The following KCTD17 variants were observed in gnomAD, a reference collection of about 807,000 sequenced individuals.
KCTD17 encodes the protein BTB/POZ domain-containing protein KCTD17.
KCTD17 carries 20 observed loss-of-function variants against 41.5 expected under a neutral mutation model. The ratio of observed to expected loss-of-function variants is 0.48; its 90% CI spans 0.34 to 0.70. The LOEUF is 0.70. Ranked by LOEUF, KCTD17 falls within the 30% of genes least tolerant of loss-of-function variation. KCTD17 has a pLI of 0.01. For missense variants in KCTD17, 317 were observed against 427.2 expected (o/e 0.74, Z 2.27); for synonymous variants, 156 against 173.8 (o/e 0.90, Z 0.80).
chr22:37,057,354 TG>T, intron 3 of KCTD17, 43 bp from the exon 4 acceptor site: 1 of 1,519,114 alleles, frequency 6.6e-7, no homozygotes, highest in Non-Finnish European at 9.1e-7. Flanking sequence ...CTGGGGTGCC[TG>T]GTGCTCCCAC....
rs1320708255 is a variant in KCTD17, at chr22:37,061,195, C to T, written c.784+20C>T. On this transcript the variant is annotated intron_variant, in intron 7 of 8. Transcript: ENST00000403888. This position sits in a 1 kb window ranked among gnomAD's most constrained non-coding sequence, Gnocchi z 6.6. ...CTGGAGGTCCTGCCTCATCTTCATC[C>T]ACCTCTTCTTCCTCCTGGATCTCAT... 6.4e-7 allele frequency: 1 copy of T among 1,551,056 alleles called. No individual in the cohort carries two copies. The highest frequency in any genetic ancestry group is 8.7e-7 in the Non-Finnish European group (1 of 1,146,958).
chr22:37,052,045 C>T (rs1360301933), intron 1 of KCTD17, 96 bp downstream of exon 1: 14 of 1,135,226 alleles, frequency 1.2e-5, no homozygotes, highest in Non-Finnish European at 2.2e-6. Context: ...GCTGGGGACC[C>T]GGCCGGGTTC....
At chr22:37,062,157 T>G (rs7292681) in intron 8 of KCTD17, 10 of 985,186 alleles carry the variant, frequency 1.0e-5, no homozygotes, top group Non-Finnish European at 1.2e-5. Context: ...CCCTGTGGCT[T>G]CTTTCGCCTG....
Position 37,053,829 on chromosome 22 carries a change from AGGCCATGTCTGGGAGAACGAC to A in KCTD17, c.298+622_298+642del, listed in dbSNP as rs1924783112. Among the ~76,000 whole-genome samples the A allele has an allele frequency of 6.6e-6, 1 of 152,106 alleles. No homozygotes were observed. The highest frequency in any genetic ancestry group is 1.5e-5 in the Non-Finnish European group (1 of 67,990). ...TATCCGGGCCTAACAAACAGTGGGG[AGGCCATGTCTGGGAGAACGAC>A]CTGTTAGCAGAGCTGCAGCCAGGGG... On this transcript the variant is annotated intron_variant, in intron 2 of 8. Transcript: ENST00000403888. This position sits in a 1 kb window ranked among gnomAD's most constrained non-coding sequence, Gnocchi z 4.1.
At chr22:37,056,866 C>T (rs1601489905) in intron 3 of KCTD17, among the ~76,000 whole-genome samples, 1 of 152,226 alleles carries the variant, frequency 6.6e-6, no homozygotes. Context: ...GCGTTTGTGA[C>T]CTTGGAGCCT....
At position 37,061,338 on chromosome 22, in the gene KCTD17, C is replaced by T. The variant is rs890083037; in HGVS notation, c.784+163C>T. 5 of 1,488,228 alleles carry T rather than the reference C, an allele frequency of 3.4e-6. No individual in the cohort carries two copies. In the African/African-American group the frequency reaches 4.2e-5, roughly 12 times the overall value. 92.2% of individuals were successfully genotyped at this position (1,488,228 alleles called of 1,614,324 possible). On this transcript the variant is annotated intron_variant, in intron 7 of 8. Coordinates refer to ENST00000403888, the MANE Select transcript of KCTD17 (RefSeq NM_001282684.2). This position sits in a 1 kb window ranked among gnomAD's most constrained non-coding sequence, Gnocchi z 6.6. ...CGTGCCCTCCACCCAGGCCCCCTGG[C>T]CCTGCATCCCAGAGCGTCCTGCCTG...
Position 37,061,929 on chromosome 22 carries a change from A to G in KCTD17, c.875+300A>G. The stretch of plus-strand genomic sequence containing the variant: ...GTGTCACTGCCTTGTGGCATCCCCT[A>G]TTTCTGTGGGGATGGGGAGGACAGG... On this transcript the variant is annotated intron_variant, in intron 8 of 8. Transcript: ENST00000403888. This position sits in a 1 kb window ranked among gnomAD's most constrained non-coding sequence, Gnocchi z 6.6. 3.0e-6 allele frequency: 3 copies of G among 985,068 alleles called. No individual in the cohort carries two copies. The highest frequency in any genetic ancestry group is 2.4e-6 in the Non-Finnish European group (2 of 829,812). The allele number at this position is 985,068 out of a possible 1,614,324, so 61.0% of individuals were successfully genotyped here.
Position 37,061,684 on chromosome 22 carries a change from C to G in KCTD17, c.875+55C>G. ...GGTGGAGCGAGGAGGGTGCTCATCT[C>G]TTGATCCTTGGACTTGAGCCGAGCT... On this transcript the variant is annotated intron_variant, in intron 8 of 8. Transcript: ENST00000403888. The surrounding 1 kb of genome is among the most constrained non-coding windows in gnomAD (Gnocchi z 6.6). 5.9e-6 allele frequency: 9 copies of G among 1,536,568 alleles called. No homozygotes were observed. Among genetic ancestry groups the G allele is most frequent in the East Asian group, 2.4e-5 (1 of 41,216 alleles).
chr22:37,061,221 C>A lies in KCTD17; in HGVS notation c.784+46C>A. 8 of 1,549,712 alleles carry A rather than the reference C, an allele frequency of 5.2e-6. No individual in the cohort carries two copies. The highest frequency in any genetic ancestry group is 7.0e-6 in the Non-Finnish European group (8 of 1,146,998). On this transcript the variant is annotated intron_variant, in intron 7 of 8. Transcript: ENST00000403888. This position sits in a 1 kb window ranked among gnomAD's most constrained non-coding sequence, Gnocchi z 6.6. ...ACCTCTTCTTCCTCCTGGATCTCAT[C>A]TGCACCCTGCCTCTTCCCTCTCTGC...
rs767342119 is a variant in KCTD17, at chr22:37,059,480, G to A, written c.612+42G>A. ...CAGCCTGTGTCCGGAGAAGTCTCCT[G>A]TCTCCCTCCACCCTCCCCGCCTGTC... is the stretch of plus-strand genomic sequence containing the variant. On this transcript the variant is annotated intron_variant, in intron 5 of 8. Transcript: ENST00000403888. 3 of 1,571,422 alleles carry A rather than the reference G, an allele frequency of 1.9e-6. No individual in the cohort carries two copies. In the African/African-American group the frequency reaches 4.0e-5, roughly 21 times the overall value.
intron 5 of KCTD17, among the ~76,000 whole-genome samples, chr22:37,060,217 A>G (rs895358066): frequency 1.3e-5 from 2 of 152,062 alleles, no homozygotes; most frequent in African/African-American, 4.8e-5. Context: ...CTGGGGCCCA[A>G]CCCCACACAG....
intron 3 of KCTD17, among the ~76,000 whole-genome samples, chr22:37,056,660 G>A (rs1243323600): frequency 6.6e-6 from 1 of 152,128 alleles, no homozygotes; most frequent in East Asian, 1.9e-4. Flanking sequence ...GGCCAGGCTC[G>A]CCCTCTCCGG....
rs1197035595 is a variant in KCTD17 at position 37,061,688 on chromosome 22, A to T, written c.875+59A>T. 1 of 1,530,932 alleles carries T rather than the reference A, an allele frequency of 6.5e-7. No individual in the cohort carries two copies. Among genetic ancestry groups the T allele is most frequent in the East Asian group, 2.4e-5 (1 of 41,032 alleles). 94.8% of individuals were successfully genotyped at this position (1,530,932 alleles called of 1,614,324 possible). On this transcript the variant is annotated intron_variant, in intron 8 of 8. Transcript: ENST00000403888. This position sits in a 1 kb window ranked among gnomAD's most constrained non-coding sequence, Gnocchi z 6.6. ...GAGCGAGGAGGGTGCTCATCTCTTG[A>T]TCCTTGGACTTGAGCCGAGCTTTCG...
At position 37,056,351 on chromosome 22, in the gene KCTD17, C is replaced by T. The variant is rs372826685; in HGVS notation, c.330C>T (p.Ile110=). The change falls in exon 3 of 9, where the codon ATC becomes ATT. Residue 110 remains isoleucine, a synonymous_variant. Coordinates refer to ENST00000403888, the MANE Select transcript of KCTD17 (RefSeq NM_001282684.2). Reference sequence around the variant, plus strand: ...TGGAGGAAGCCGAGTTCTACAACATCGGCCCGCTGATCCGCATCATCAAAG... The same window carrying T: ...TGGAGGAAGCCGAGTTCTACAACATTGGCCCGCTGATCCGCATCATCAAAG... ...GVLEEAEFYN[I]GPLIRIIKDR... The T allele has an allele frequency of 1.5e-5, 24 of 1,613,464 alleles. No homozygotes were observed. The highest frequency in any genetic ancestry group is 3.3e-5 in the Admixed American group (2 of 59,946).
chr22:37,062,709 G>T lies in KCTD17; in HGVS notation c.*115G>T. ...GCTGTGACTTACTCCTGCCTCCAGGGGCGGGGCGGGGCCCCCCTGGGACCT... is the reference window on the plus strand; with the variant it reads ...GCTGTGACTTACTCCTGCCTCCAGGTGCGGGGCGGGGCCCCCCTGGGACCT... On this transcript the variant is annotated 3_prime_UTR_variant, in exon 9 of 9. Coordinates refer to ENST00000403888, the MANE Select transcript of KCTD17 (RefSeq NM_001282684.2). 2 of 1,513,180 alleles carry T rather than the reference G, an allele frequency of 1.3e-6. No homozygotes were observed. The highest frequency in any genetic ancestry group is 1.8e-6 in the Non-Finnish European group (2 of 1,130,530). The allele number at this position is 1,513,180 out of a possible 1,614,324, so 93.7% of individuals were successfully genotyped here.
chr22:37,053,981 T>G lies in KCTD17; in HGVS notation c.298+773T>G, dbSNP rs1378584299. On this transcript the variant is annotated intron_variant, in intron 2 of 8. Transcript: ENST00000403888. This position sits in a 1 kb window ranked among gnomAD's most constrained non-coding sequence, Gnocchi z 4.1. Reference sequence around the variant, plus strand: ...GCTTGAATATGTCACTTCTCCTCACTGCGTCTCCACTGGTATCTATTCAAT... The same window carrying G: ...GCTTGAATATGTCACTTCTCCTCACGGCGTCTCCACTGGTATCTATTCAAT... Among the ~76,000 whole-genome samples the G allele has an allele frequency of 6.6e-6, 1 of 152,162 alleles. No individual in the cohort carries two copies. Among genetic ancestry groups the G allele is most frequent in the African/African-American group, 2.4e-5 (1 of 41,426 alleles).
At chr22:37,057,680 G>A (rs538494658) in intron 4 of KCTD17, among the ~76,000 whole-genome samples, 187 bp downstream of exon 4, 102 of 152,336 alleles carry the variant, frequency 6.7e-4, no homozygotes, top group African/African-American at 1.4e-3. Context: ...CAGGTTGACC[G>A]AGAGAGAGGA....
Position 37,061,291 on chromosome 22 carries a change from G to C in KCTD17, c.784+116G>C. ...CTGCCTGCTCACGCCTCCATCCCGG[G>C]TCTGCCCTGGTCCCAGCCTCCCGTG... On this transcript the variant is annotated intron_variant, in intron 7 of 8. Coordinates refer to ENST00000403888, the MANE Select transcript of KCTD17 (RefSeq NM_001282684.2). This position sits in a 1 kb window ranked among gnomAD's most constrained non-coding sequence, Gnocchi z 6.6. 1 of 1,526,456 alleles carries C rather than the reference G, an allele frequency of 6.6e-7. No individual in the cohort carries two copies. Among genetic ancestry groups the C allele is most frequent in the Non-Finnish European group, 8.8e-7 (1 of 1,139,302 alleles). 94.6% of individuals were successfully genotyped at this position (1,526,456 alleles called of 1,614,324 possible). A position where few individuals can be genotyped will look rare whatever the true frequency, so the allele number is the denominator to read the frequency against.
At chr22:37,060,309 A>G (rs1393194160) in intron 5 of KCTD17, among the ~76,000 whole-genome samples, 2 of 97,432 alleles carry the variant, frequency 2.1e-5, no homozygotes, top group Non-Finnish European at 4.1e-5. Flanking sequence ...ACCCACCCCC[A>G]CCACTGCCAG....
Sources: gnomAD v4.1 joint callset for allele counts (sites outside exome capture counted in the v4.1 genomes callset) on GRCh38, gnomAD v4.1.1 for gene constraint, Gnocchi (gnomAD v3.1) non-coding constraint, MANE v1.5 for transcripts, NCBI Gene and HGNC (gene_info 2026-07-23, HGNC 2026-07-21) for gene names.